UHRF1: variants seen among roughly 807,000 people sequenced by gnomAD.
UHRF1 encodes the protein ubiquitin like with PHD and ring finger domains 1.
Under a neutral mutation model 96.5 loss-of-function variants are expected in UHRF1, and 9 were observed. That is an observed-to-expected ratio of 0.09 (90% CI 0.06 to 0.16). UHRF1 has a LOEUF of 0.16. UHRF1 is among the 10% of genes least tolerant of loss of function. UHRF1 has a pLI of 1.00. For missense variants in UHRF1, 626 were observed against 1,131.1 expected (o/e 0.55, Z 6.40); for synonymous variants, 455 against 469.9 (o/e 0.97, Z 0.41).
rs200061440 is a variant in UHRF1 at position 4,910,853 on chromosome 19, G to T, written c.-10-23G>T. The T allele has an allele frequency of 6.8e-4, 1,070 of 1,583,434 alleles. No homozygotes were observed. Among genetic ancestry groups the T allele is most frequent in the Non-Finnish European group, 7.6e-4 (886 of 1,161,154 alleles). ...AGAGGTGCTGGTAAAACTGATGGGGGTTTTTGCTGTCCCTCCCCTCAGCGC... is the reference window on the plus strand; with the variant it reads ...AGAGGTGCTGGTAAAACTGATGGGGTTTTTTGCTGTCCCTCCCCTCAGCGC... On this transcript the variant is annotated intron_variant, in intron 1 of 16. Transcript: ENST00000650932.
intron 2 of UHRF1, among the ~76,000 whole-genome samples, chr19:4,919,912 G>A (rs2032649275): frequency 2.0e-5 from 3 of 151,726 alleles, no homozygotes. Flanking sequence ...CCGCCTCCCG[G>A]GTTCAAGCGA....
chr19:4,937,052 G>T (rs1251784683), intron 5 of UHRF1, among the ~76,000 whole-genome samples: 1 of 151,604 alleles, frequency 6.6e-6, no homozygotes, highest in Non-Finnish European at 1.5e-5. Context: ...TTTTTTGTTG[G>T]AGACGGAGTC....
At chr19:4,948,178 C>T (rs980473959) in intron 11 of UHRF1, among the ~76,000 whole-genome samples, 5 of 151,456 alleles carry the variant, frequency 3.3e-5, no homozygotes, top group Admixed American at 6.6e-5. Context: ...CAGAGAACCT[C>T]TTCAGCTCTT....
At chr19:4,923,808 C>T (rs927302069) in intron 2 of UHRF1, among the ~76,000 whole-genome samples, 9 of 152,166 alleles carry the variant, frequency 5.9e-5, no homozygotes, top group African/African-American at 2.4e-5. Context: ...AAGGCCCCAC[C>T]CCAGAGAGTG....
intron 2 of UHRF1, among the ~76,000 whole-genome samples, chr19:4,919,782 A>G (rs1380018155): frequency 6.6e-6 from 1 of 151,792 alleles, no homozygotes; most frequent in Non-Finnish European, 1.5e-5. Context: ...AATTTCCATA[A>G]TGGTAAATCT....
At position 4,929,570 on chromosome 19, in the gene UHRF1, G is replaced by A. The variant is rs539254980; in HGVS notation, c.408+94G>A. ...AGGGCTCACAGGAGGGGCTTCCCAC[G>A]CGCCTCTCTAGCTCTGGCTGGGCAG... On this transcript the variant is annotated intron_variant, in intron 3 of 16. Coordinates refer to ENST00000650932, the MANE Select transcript of UHRF1 (RefSeq NM_001048201.3). The A allele has an allele frequency of 1.2e-5, 18 of 1,507,946 alleles. No homozygotes were observed. In the African/African-American group the frequency reaches 1.7e-4, roughly 14 times the overall value. 93.4% of individuals were successfully genotyped at this position (1,507,946 alleles called of 1,614,324 possible).
intron 2 of UHRF1, among the ~76,000 whole-genome samples, chr19:4,919,715 G>A (rs1208427612): frequency 1.3e-5 from 2 of 152,026 alleles, no homozygotes; most frequent in Admixed American, 6.6e-5. Context: ...GGGCTGAGGT[G>A]GTGTCATTTA....
intron 16 of UHRF1, 66 bp from the exon 17 acceptor site, chr19:4,960,591 A>G: frequency 6.3e-7 from 1 of 1,575,030 alleles, no homozygotes. Context: ...CAGTCCTGGG[A>G]GAGGTGGCCA....
At chr19:4,941,085 G>GTTTTTTTTTTTT (rs869250736) in intron 5 of UHRF1, among the ~76,000 whole-genome samples, 6 of 50,082 alleles carry the variant, frequency 1.2e-4, no homozygotes, top group African/African-American at 1.9e-4. Context: ...TCTGTGTTTT[G>GTTTTTTTTTTTT]TTTTTTTTTT....
In UHRF1 at chr19:4,957,138, A is replaced by C. The variant is rs367674944; in HGVS notation, c.2235+325A>C. Among the ~76,000 whole-genome samples, 6 of 152,162 alleles carry C rather than the reference A, an allele frequency of 3.9e-5. No individual in the cohort carries two copies. In the East Asian group the frequency reaches 9.7e-4, roughly 24 times the overall value. ...CTTGGAGGAGGTGGTGTTACCAGGC[A>C]GCATCCCTTGTACCTGGGACAGCAG... is the stretch of plus-strand genomic sequence containing the variant. On this transcript the variant is annotated intron_variant, in intron 16 of 16. Transcript: ENST00000650932.
chr19:4,947,488 A>ATTTTTTT (rs1568427975), intron 11 of UHRF1, among the ~76,000 whole-genome samples: 4 of 70,424 alleles, frequency 5.7e-5, no homozygotes, highest in African/African-American at 1.6e-4. Flanking sequence ...GATAATAGAT[A>ATTTTTTT]TCTTTTTTTT....
intron 9 of UHRF1, among the ~76,000 whole-genome samples, chr19:4,944,903 A>G (rs2033517466): frequency 6.6e-6 from 1 of 152,162 alleles, no homozygotes; most frequent in Admixed American, 6.5e-5. Context: ...CATCCTGGGC[A>G]CTGCAGGGTG....
chr19:4,944,071 C>T, intron 7 of UHRF1, 61 bp from the exon 8 acceptor site: 1 of 1,599,868 alleles, frequency 6.3e-7, no homozygotes. Context: ...GGGCAGAGGG[C>T]ACATGTTGGC....
chr19:4,947,589 C>T (rs1437685839), intron 11 of UHRF1, among the ~76,000 whole-genome samples: 1 of 143,144 alleles, frequency 7.0e-6, no homozygotes, highest in Non-Finnish European at 1.5e-5. Flanking sequence ...CAACCTCTGC[C>T]TCCTGGGCTC....
In UHRF1 at chr19:4,930,772, G is replaced by A. The variant is rs1439930259; in HGVS notation, c.465G>A (p.Gln155=). Residue 155 remains glutamine, a synonymous_variant, in exon 4 of 17, where the codon CAG becomes CAA. Transcript: ENST00000650932. This position sits in a 1 kb window ranked among gnomAD's most constrained non-coding sequence, Gnocchi z 4.4. ...DTNMGAWFEA[Q]VVRVTRKAPS... Reference sequence around the variant, plus strand: ...ACATGGGGGCGTGGTTTGAGGCGCAGGTGGTCAGGGTGACGCGGAAGGCCC... The same window carrying A: ...ACATGGGGGCGTGGTTTGAGGCGCAAGTGGTCAGGGTGACGCGGAAGGCCC... 6.8e-6 allele frequency: 11 copies of A among 1,613,880 alleles called. No individual in the cohort carries two copies. Among genetic ancestry groups the A allele is most frequent in the Non-Finnish European group, 9.3e-6 (11 of 1,179,900 alleles).
At chr19:4,904,322 G>C (rs2032017307) in intron 1 of UHRF1, among the ~76,000 whole-genome samples, 1 of 152,128 alleles carries the variant, frequency 6.6e-6, no homozygotes, top group South Asian at 2.1e-4. Flanking sequence ...GGGACTACAG[G>C]CGTCCGCCAC....
intron 2 of UHRF1, among the ~76,000 whole-genome samples, chr19:4,914,730 A>G (rs970078993): frequency 1.3e-5 from 2 of 151,624 alleles, no homozygotes; most frequent in Non-Finnish European, 2.9e-5. Flanking sequence ...GCTCGGGTAC[A>G]ACGCTCTGCA....
At position 4,903,985 on chromosome 19, in the gene UHRF1, CT is replaced by C. The variant is rs566325507; in HGVS notation, c.-11+349del. Among the ~76,000 whole-genome samples, 3 of 150,190 alleles carry C rather than the reference CT, an allele frequency of 2.0e-5. No individual in the cohort carries two copies. In the South Asian group the frequency reaches 6.4e-4, roughly 32 times the overall value. On this transcript the variant is annotated intron_variant, in intron 1 of 16. Transcript: ENST00000612630. ...AACTCCCTGCATGATTGACATTTCT[CT>C]TTTTTTTTGAGGTGGAATCTCACTC...
chr19:4,957,297 GTTTTTTTTT>G (rs59654364), intron 16 of UHRF1, among the ~76,000 whole-genome samples: 106 of 51,100 alleles, frequency 2.1e-3, no homozygotes, highest in African/African-American at 7.8e-3. Context: ...CCAGCTGATG[GTTTTTTTTT>G]TTTTTTTTTT....
Sources: gnomAD v4.1 joint callset for allele counts (sites outside exome capture counted in the v4.1 genomes callset) on GRCh38, gnomAD v4.1.1 for gene constraint, Gnocchi (gnomAD v3.1) non-coding constraint, MANE v1.5 for transcripts, NCBI Gene and HGNC (gene_info 2026-07-23, HGNC 2026-07-21) for gene names.